ADGB: variants seen among roughly 807,000 people sequenced by gnomAD.
The protein encoded by ADGB is calpain-7-like protein.
A neutral mutation model predicts 210.5 loss-of-function variants in ADGB; 172 were observed. The ratio of observed to expected loss-of-function variants is 0.82; its 90% CI spans 0.72 to 0.93. The LOEUF is 0.93. Ranked by LOEUF, ADGB falls within the 40% of genes least tolerant of loss-of-function variation. The pLI is 0.00. For synonymous variants in ADGB, 658 were observed against 662.7 expected (o/e 0.99, Z 0.11); for missense variants, 2,025 against 1,964.8 (o/e 1.03, Z -0.58).
At chr6:146,795,604 A>G (rs1158085627) in intron 33 of ADGB, among the ~76,000 whole-genome samples, 1 of 152,240 alleles carries the variant, frequency 6.6e-6, no homozygotes, top group Non-Finnish European at 1.5e-5. Flanking sequence ...ACAATGAGAT[A>G]CCATCTCACA....
chr6:146,799,058 C>CAAAAAAAAAAAAAAAAAAAAA (rs71552962), intron 33 of ADGB, among the ~76,000 whole-genome samples: 7 of 63,488 alleles, frequency 1.1e-4, no homozygotes, highest in Admixed American at 6.3e-4. Flanking sequence ...TATGGAAATG[C>CAAAAAAAAAAAAAAAAAAAAA]AAAAAAAAAA....
At chr6:146,716,054 CA>C (rs61093466) in intron 14 of ADGB, among the ~76,000 whole-genome samples, 33,549 of 96,864 alleles carry the variant, frequency 0.35, 3,833 homozygotes, top group Non-Finnish European at 0.42. Flanking sequence ...GACTCCGTCT[CA>C]AAAAAAAAAA....
At chr6:146,811,117 A>C (rs1778296584) in intron 35 of ADGB, among the ~76,000 whole-genome samples, 1 of 152,114 alleles carries the variant, frequency 6.6e-6, no homozygotes, top group Non-Finnish European at 1.5e-5. Flanking sequence ...TCCTTTGCCT[A>C]CTCTTAGCTT....
At chr6:146,786,806 TA>T (rs369794476) in intron 32 of ADGB, among the ~76,000 whole-genome samples, 52 of 152,334 alleles carry the variant, frequency 3.4e-4, no homozygotes, top group East Asian at 1.5e-3. Flanking sequence ...ATAGATTTAT[TA>T]TTTTTTTTAT....
At chr6:146,670,691 T>C (rs1775994035) in intron 7 of ADGB, among the ~76,000 whole-genome samples, 1 of 152,198 alleles carries the variant, frequency 6.6e-6, no homozygotes, top group African/African-American at 2.4e-5. Context: ...CCATTGGATG[T>C]AAAGTTGTCC....
At chr6:146,663,811 A>G (rs943241351) in intron 5 of ADGB, among the ~76,000 whole-genome samples, 3 of 152,164 alleles carry the variant, frequency 2.0e-5, no homozygotes, top group Admixed American at 6.6e-5. Flanking sequence ...TACTAAAGTT[A>G]TATTTGGAGA....
At chr6:146,692,773 C>A in intron 11 of ADGB, 52 bp from the exon 12 acceptor site, 1 of 990,362 alleles carries the variant, frequency 1.0e-6, no homozygotes, top group Non-Finnish European at 1.5e-6. Flanking sequence ...TGTATGCAAT[C>A]CTGAAAGATT....
chr6:146,773,090 G>T (rs1049694956), intron 29 of ADGB, among the ~76,000 whole-genome samples: 4 of 152,026 alleles, frequency 2.6e-5, no homozygotes, highest in African/African-American at 4.8e-5. Flanking sequence ...ACTATTCAAG[G>T]CCATTCCCAT....
At chr6:146,691,443 A>T (rs1014913262) in intron 11 of ADGB, among the ~76,000 whole-genome samples, 153 bp downstream of exon 11, 1,528 of 20,768 alleles carry the variant, frequency 0.074, 144 homozygotes, top group African/African-American at 0.13. Flanking sequence ...TATATATATA[A>T]AAATATATAT....
rs1777159226 is a variant in ADGB at position 146,741,184 on chromosome 6, T to A, written c.3090T>A (p.Cys1030Ter). 6.4e-7 allele frequency: 1 copy of A among 1,550,906 alleles called. No homozygotes were observed. The highest frequency in any genetic ancestry group is 1.4e-5 in the African/African-American group (1 of 73,150). Reference protein sequence around the residue: ...VPKVYTTLPICILHIVNNDTM... With the variant: ...VPKVYTTLPI ...AAGTATATACTACACTTCCAATCTG[T>A]ATCCTACACATTGTTAATAATGACA... Residue 1030 changes from cysteine to a stop codon, truncating the protein, a stop_gained, in exon 25 of 36, where the codon TGT becomes TGA. Transcript: ENST00000397944. LOFTEE classifies it high-confidence loss of function.
At chr6:146,797,464 C>A (rs1778062266) in intron 33 of ADGB, among the ~76,000 whole-genome samples, 1 of 151,930 alleles carries the variant, frequency 6.6e-6, no homozygotes, top group Non-Finnish European at 1.5e-5. Context: ...AACCCATCAA[C>A]CAACCAGCCC....
chr6:146,793,446 G>A (rs1173975528), intron 33 of ADGB, among the ~76,000 whole-genome samples: 1 of 152,164 alleles, frequency 6.6e-6, no homozygotes, highest in Non-Finnish European at 1.5e-5. Context: ...TGGGGGCAAA[G>A]AAGGGGCCCT....
intron 7 of ADGB, among the ~76,000 whole-genome samples, chr6:146,671,756 C>A (rs937174019): frequency 6.6e-6 from 1 of 151,922 alleles, no homozygotes; most frequent in African/African-American, 2.4e-5. Flanking sequence ...TCTATGACAA[C>A]AGAAAGAAAA....
At chr6:146,617,276 T>A (rs983063071) in intron 1 of ADGB, among the ~76,000 whole-genome samples, 1 of 152,172 alleles carries the variant, frequency 6.6e-6, no homozygotes, top group Non-Finnish European at 1.5e-5. Flanking sequence ...ATGCTACCTA[T>A]TTTTGTATGT....
chr6:146,657,620 G>A (rs114510793), intron 5 of ADGB, among the ~76,000 whole-genome samples: 2,415 of 152,220 alleles, frequency 0.016, 62 homozygotes, highest in African/African-American at 0.053. Context: ...ATGCTGAGGC[G>A]AGCGGGGCAG....
intron 9 of ADGB, among the ~76,000 whole-genome samples, chr6:146,679,067 A>G (rs142661769): frequency 2.0e-5 from 3 of 152,192 alleles, no homozygotes; most frequent in African/African-American, 7.2e-5. Flanking sequence ...TGAAATCAAA[A>G]CAAGCTGTAT....
Position 146,644,994 on chromosome 6 carries a change from CT to C in ADGB, c.330+134del, listed in dbSNP as rs1309184667. On this transcript the variant is annotated intron_variant, in intron 3 of 35. Transcript: ENST00000397944. ...GTGGTATTCAGTAAAAAAGTAATTG[CT>C]TTTTGGCAACTAATCAAAACTAAAT... 57 of 483,942 alleles carry C rather than the reference CT, an allele frequency of 1.2e-4. No individual in the cohort carries two copies. In the East Asian group the frequency reaches 2.0e-3, roughly 17 times the overall value. 30.0% of individuals were successfully genotyped at this position (483,942 alleles called of 1,614,324 possible).
chr6:146,599,096 G>T lies in ADGB; in HGVS notation c.56G>T (p.Gly19Val). 6.4e-7 allele frequency: 1 copy of T among 1,551,724 alleles called. No homozygotes were observed. The highest frequency in any genetic ancestry group is 2.4e-5 in the East Asian group (1 of 40,902). ...GTGCATCGTATCAACTCGGCGCACG[G>T]ATCGGATAAATCGAAAGAGTAAGGG... is the stretch of plus-strand genomic sequence containing the variant. ...KEVHRINSAH[G>V]SDKSKDFYPF... is the part of the protein sequence containing the mutation. The change falls in exon 1 of 36, where the codon GGA becomes GTA. Residue 19 changes from glycine to valine, a missense_variant. Coordinates refer to ENST00000397944, the MANE Select transcript of ADGB (RefSeq NM_024694.4).
chr6:146,623,383 A>C (rs1365125844), intron 1 of ADGB, among the ~76,000 whole-genome samples: 1 of 151,904 alleles, frequency 6.6e-6, no homozygotes, highest in African/African-American at 2.4e-5. Flanking sequence ...CTCTCACCAG[A>C]GTTGTATAGT....
Sources: allele counts gnomAD v4.1 joint callset (sites outside exome capture counted in the v4.1 genomes callset), GRCh38; gene constraint gnomAD v4.1.1; transcripts MANE v1.5; gene names NCBI Gene and HGNC (gene_info 2026-07-23, HGNC 2026-07-21).